The following VRK2 variants were observed in gnomAD, a reference collection of about 807,000 sequenced individuals.
VRK2 encodes serine/threonine-protein kinase VRK2.
In VRK2, 60 loss-of-function variants were observed where a neutral mutation model predicts 57.6. That is an observed-to-expected ratio of 1.04 (90% CI 0.85 to 1.29). The LOEUF (loss-of-function observed/expected upper bound fraction) is 1.29, where lower values mean the gene tolerates loss of function less well. VRK2 is among the 50% of genes most tolerant of loss of function. The probability of loss-of-function intolerance (pLI) is 0.00; values close to 1 mark genes in which losing one functional copy is unlikely to be tolerated. For synonymous variants in VRK2, 231 were observed against 199.2 expected (o/e 1.16, Z -1.35); for missense variants, 705 against 588.1 (o/e 1.20, Z -2.06).
Position 58,061,366 on chromosome 2 carries a change from G to T in VRK2, c.136+12399G>T, listed in dbSNP as rs1209340011. ...AAGTATGTAATATATACCACAACCA[G>T]TAAGTAACTGGCCAAAGACAGCAAA... On this transcript the variant is annotated intron_variant, in intron 2 of 12. Coordinates refer to ENST00000340157, the MANE Select transcript of VRK2 (RefSeq NM_006296.7). Among the ~76,000 whole-genome samples, 3 of 151,976 alleles carry T rather than the reference G, an allele frequency of 2.0e-5. No homozygotes were observed. The East Asian group carries it at 5.8e-4, about 29-fold the overall frequency.
chr2:58,080,268 G>C (rs1319060608), intron 2 of VRK2, among the ~76,000 whole-genome samples: 1 of 151,574 alleles, frequency 6.6e-6, no homozygotes, highest in Non-Finnish European at 1.5e-5. Flanking sequence ...AATATGCCTT[G>C]GTATTTGTTG....
chr2:58,095,256 T>C (rs1330773934), intron 7 of VRK2, among the ~76,000 whole-genome samples: 2 of 147,048 alleles, frequency 1.4e-5, no homozygotes, highest in Non-Finnish European at 3.0e-5. Context: ...ATTGCGCCAC[T>C]GCACTCCAGC....
At chr2:57,915,858 G>A (rs1012589300) in intron 1 of VRK2, among the ~76,000 whole-genome samples, 1 of 152,118 alleles carries the variant, frequency 6.6e-6, no homozygotes, top group Admixed American at 6.6e-5. Context: ...GCCCAGCAGA[G>A]ACATTAGATT....
intron 3 of VRK2, 91 bp from the exon 4 acceptor site, chr2:58,084,790 A>T: frequency 1.2e-6 from 1 of 832,348 alleles, no homozygotes. Flanking sequence ...TATATACTAC[A>T]TATATATGTT....
At chr2:58,010,324 A>G (rs758381876) in intron 1 of VRK2, among the ~76,000 whole-genome samples, 2 of 152,106 alleles carry the variant, frequency 1.3e-5, no homozygotes, top group Non-Finnish European at 2.9e-5. Flanking sequence ...AACAAGTATG[A>G]GCTCTTATTA....
intron 1 of VRK2, among the ~76,000 whole-genome samples, chr2:57,928,641 G>C (rs1341906593): frequency 6.6e-6 from 1 of 152,100 alleles, no homozygotes; most frequent in African/African-American, 2.4e-5. Context: ...ATTTATTGTA[G>C]TCTTCACAGT....
chr2:58,076,820 G>A (rs1009973608), intron 2 of VRK2, among the ~76,000 whole-genome samples: 10 of 151,098 alleles, frequency 6.6e-5, no homozygotes, highest in African/African-American at 1.9e-4. Flanking sequence ...CACCTATTTT[G>A]TTTGTTTTTA....
chr2:58,123,187 T>C lies in VRK2; in HGVS notation c.630T>C (p.His210=), dbSNP rs1440933111. The C allele has an allele frequency of 6.3e-7, 1 of 1,594,440 alleles. No individual in the cohort carries two copies. The highest frequency in any genetic ancestry group is 8.5e-7 in the Non-Finnish European group (1 of 1,174,850). ...KQYQENPRKG[H]NGTIEFTSLD... ...ATCAGGAAAATCCTAGAAAAGGCCA[T>C]AATGGGACAATAGAGTTTACCAGCT... Residue 210 remains histidine, a synonymous_variant, in exon 8 of 13, where the codon CAT becomes CAC. Transcript: ENST00000340157.
chr2:58,034,159 G>C (rs758766106), intron 3 of VRK2, among the ~76,000 whole-genome samples: 1 of 151,976 alleles, frequency 6.6e-6, no homozygotes, highest in Non-Finnish European at 1.5e-5. Flanking sequence ...TTAAGGAAGA[G>C]TGGGTTGCTC....
intron 2 of VRK2, among the ~76,000 whole-genome samples, chr2:58,072,789 T>C (rs1444253161): frequency 1.3e-5 from 2 of 151,968 alleles, no homozygotes; most frequent in African/African-American, 4.8e-5. Context: ...AGTTGAATGT[T>C]CCTTTGCTTC....
intron 1 of VRK2, among the ~76,000 whole-genome samples, chr2:57,913,291 T>C (rs932201632): frequency 6.6e-6 from 1 of 152,152 alleles, no homozygotes; most frequent in Non-Finnish European, 1.5e-5. Flanking sequence ...ACTTACCTAG[T>C]TGGTAATAGG....
Position 58,159,638 on chromosome 2 carries a change from GCAT to G in VRK2, c.1479_1481del (p.Ile494del), listed in dbSNP as rs775146550. 4 of 1,613,596 alleles carry G rather than the reference GCAT, an allele frequency of 2.5e-6. No individual in the cohort carries two copies. The highest frequency in any genetic ancestry group is 3.4e-6 in the Non-Finnish European group (4 of 1,179,726). ...ACAAACGCAGATGTTTATTATTATCGCATCATCATACCTGTCCTTTTGATGTTA... is the reference window on the plus strand; with the variant it reads ...ACAAACGCAGATGTTTATTATTATCGCATCATACCTGTCCTTTTGATGTTA... On this transcript the variant is annotated inframe_deletion, in exon 13 of 13. Coordinates refer to ENST00000340157, the MANE Select transcript of VRK2 (RefSeq NM_006296.7).
chr2:58,155,639 A>G (rs1683691775), intron 12 of VRK2, among the ~76,000 whole-genome samples: 1 of 151,972 alleles, frequency 6.6e-6, no homozygotes, highest in African/African-American at 2.4e-5. Flanking sequence ...ACCTGTCTCC[A>G]CAGTGCTTGA....
intron 1 of VRK2, among the ~76,000 whole-genome samples, chr2:57,911,067 G>A (rs778701971): frequency 2.6e-5 from 4 of 151,232 alleles, no homozygotes; most frequent in African/African-American, 7.3e-5. Flanking sequence ...ATTTCTCAAC[G>A]GAGCAATCAT....
chr2:58,025,064 T>C (rs190419569), intron 1 of VRK2, among the ~76,000 whole-genome samples: 16 of 152,290 alleles, frequency 1.1e-4, no homozygotes, highest in African/African-American at 3.4e-4. Context: ...GAGCCATCCT[T>C]GTCCTTAATC....
chr2:57,913,579 T>A (rs1001473510), intron 1 of VRK2, among the ~76,000 whole-genome samples: 1 of 152,132 alleles, frequency 6.6e-6, no homozygotes, highest in Non-Finnish European at 1.5e-5. Context: ...GACTTTAAAT[T>A]TTGCTCTTAT....
At chr2:58,095,834 A>T (rs1465717024) in intron 7 of VRK2, among the ~76,000 whole-genome samples, 1 of 152,098 alleles carries the variant, frequency 6.6e-6, no homozygotes, top group Non-Finnish European at 1.5e-5. Context: ...TCTTAATCTT[A>T]TTGGAAATGC....
At chr2:58,090,030 G>A (rs182774385) in intron 7 of VRK2, among the ~76,000 whole-genome samples, 21 of 152,300 alleles carry the variant, frequency 1.4e-4, no homozygotes, top group African/African-American at 2.6e-4. Flanking sequence ...AGTGGGAGTA[G>A]AGATGGATTT....
At chr2:57,990,079 T>A (rs1672715457) in intron 1 of VRK2, among the ~76,000 whole-genome samples, 1 of 152,176 alleles carries the variant, frequency 6.6e-6, no homozygotes, top group South Asian at 2.1e-4. Context: ...CTTTTTCCTA[T>A]TAAGAAAAAA....
Sources: allele counts gnomAD v4.1 joint callset (sites outside exome capture counted in the v4.1 genomes callset), GRCh38; gene constraint gnomAD v4.1.1; transcripts MANE v1.5; gene names NCBI Gene and HGNC (gene_info 2026-07-23, HGNC 2026-07-21).